Variants in CABCOCO1 observed in about 807,000 individuals in gnomAD.
CABCOCO1 encodes the protein ciliary associated calcium binding coiled-coil 1, also known as ciliary-associated calcium-binding coiled-coil protein 1.
Under a neutral mutation model 35.7 loss-of-function variants are expected in CABCOCO1, and 28 were observed. The observed-to-expected ratio is 0.78, with a 90% CI of 0.58 to 1.07. The LOEUF is 1.07. Ranked by LOEUF, CABCOCO1 falls within the 50% of genes least tolerant of loss-of-function variation. CABCOCO1 has a pLI of 0.00. For synonymous variants in CABCOCO1, 95 were observed against 100.1 expected (o/e 0.95, Z 0.30); for missense variants, 326 against 309.2 (o/e 1.05, Z -0.41).
chr10:61,763,097 TG>T (rs1842039647), intron 7 of CABCOCO1, among the ~76,000 whole-genome samples: 1 of 152,104 alleles, frequency 6.6e-6, no homozygotes, highest in Non-Finnish European at 1.5e-5. Flanking sequence ...GAATATTTAA[TG>T]AATCACTACT....
intron 5 of CABCOCO1, among the ~76,000 whole-genome samples, chr10:61,695,779 C>T (rs1840278341): frequency 6.6e-6 from 1 of 151,684 alleles, no homozygotes; most frequent in Non-Finnish European, 1.5e-5. Context: ...GAGAAAAAAA[C>T]CCTTTCTGTG....
intron 2 of CABCOCO1, among the ~76,000 whole-genome samples, chr10:61,679,281 T>TTTATATC (rs1839622960): frequency 1.4e-5 from 2 of 141,034 alleles, no homozygotes; most frequent in African/African-American, 5.3e-5. Context: ...TAGAATGAGC[T>TTTATATC]TATATCTATA....
intron 5 of CABCOCO1, among the ~76,000 whole-genome samples, chr10:61,719,198 C>G (rs1409749784): frequency 1.3e-5 from 2 of 152,048 alleles, no homozygotes; most frequent in East Asian, 3.9e-4. Context: ...TTTCTTGAGT[C>G]TTAGAAAAAC....
chr10:61,690,828 T>A (rs1015745348), intron 5 of CABCOCO1, among the ~76,000 whole-genome samples: 2 of 152,178 alleles, frequency 1.3e-5, no homozygotes, highest in Non-Finnish European at 2.9e-5. Context: ...AAAAGCATTG[T>A]TAATCATTTA....
Position 61,677,142 on chromosome 10 carries a change from C to T in CABCOCO1, c.165-4001C>T, listed in dbSNP as rs1050782031. Among the ~76,000 whole-genome samples, 9 of 151,978 alleles carry T rather than the reference C, an allele frequency of 5.9e-5. No homozygotes were observed. In the South Asian group the frequency reaches 1.7e-3, roughly 28 times the overall value. On this transcript the variant is annotated intron_variant, in intron 2 of 7. Coordinates refer to ENST00000648843, the MANE Select transcript of CABCOCO1 (RefSeq NM_001366906.2). ...TGTTAAGATTATGGACAAAATCCAA[C>T]GTAGATTGGAGTATAGAGAAGTGGA...
intron 5 of CABCOCO1, among the ~76,000 whole-genome samples, chr10:61,712,621 G>A (rs543295759): frequency 1.8e-4 from 27 of 152,136 alleles, no homozygotes; most frequent in African/African-American, 6.0e-4. Context: ...TTTGTTCTAG[G>A]GTTTTTATGG....
intron 5 of CABCOCO1, among the ~76,000 whole-genome samples, chr10:61,698,712 G>A (rs954157844): frequency 6.6e-6 from 1 of 152,064 alleles, no homozygotes; most frequent in African/African-American, 2.4e-5. Flanking sequence ...GGGTGTTAAT[G>A]ACACTATACT....
At chr10:61,680,460 C>T (rs1220813062) in intron 2 of CABCOCO1, among the ~76,000 whole-genome samples, 5 of 21,144 alleles carry the variant, frequency 2.4e-4, no homozygotes, top group East Asian at 7.9e-4. Context: ...TTATATATAA[C>T]ATATATAATA....
At chr10:61,723,347 AG>A (rs1322980968) in intron 5 of CABCOCO1, among the ~76,000 whole-genome samples, 1 of 152,262 alleles carries the variant, frequency 6.6e-6, no homozygotes, top group Non-Finnish European at 1.5e-5. Context: ...ACATTTTTAT[AG>A]TATACATTCC....
intron 5 of CABCOCO1, among the ~76,000 whole-genome samples, chr10:61,705,466 T>C (rs867683326): frequency 6.6e-6 from 1 of 152,226 alleles, no homozygotes; most frequent in South Asian, 2.1e-4. Flanking sequence ...TGTACACATA[T>C]TACTTTTATT....
chr10:61,714,751 G>T (rs140151858), intron 5 of CABCOCO1, among the ~76,000 whole-genome samples: 15,671 of 152,094 alleles, frequency 0.1, 952 homozygotes, highest in Middle Eastern at 0.17. Flanking sequence ...CTTTATTTCT[G>T]CCTTCATTTC....
intron 5 of CABCOCO1, among the ~76,000 whole-genome samples, chr10:61,738,794 A>G (rs1841481849): frequency 6.6e-6 from 1 of 152,260 alleles, no homozygotes. Context: ...TGAATTTCAA[A>G]TATATCAACT....
At chr10:61,701,419 T>C (rs1418955123) in intron 5 of CABCOCO1, among the ~76,000 whole-genome samples, 3 of 152,190 alleles carry the variant, frequency 2.0e-5, no homozygotes, top group Non-Finnish European at 4.4e-5. Flanking sequence ...GATTTAATTA[T>C]TACTTGAGGA....
intron 5 of CABCOCO1, among the ~76,000 whole-genome samples, chr10:61,747,793 T>C (rs746276729): frequency 1.3e-5 from 2 of 152,204 alleles, no homozygotes; most frequent in Non-Finnish European, 2.9e-5. Context: ...ACAGAGTTAA[T>C]TTATAAATAC....
At chr10:61,684,302 T>C (rs1429661454) in intron 3 of CABCOCO1, among the ~76,000 whole-genome samples, 1 of 152,226 alleles carries the variant, frequency 6.6e-6, no homozygotes, top group Non-Finnish European at 1.5e-5. Context: ...TTCTTTCTAA[T>C]TCCTATAAGT....
chr10:61,750,137 G>A (rs532013827), intron 5 of CABCOCO1, among the ~76,000 whole-genome samples: 3 of 152,226 alleles, frequency 2.0e-5, no homozygotes, highest in South Asian at 2.1e-4. Flanking sequence ...CCTAGAGTCA[G>A]GCAACTTATC....
At chr10:61,740,418 C>A (rs1446830204) in intron 5 of CABCOCO1, among the ~76,000 whole-genome samples, 9 of 152,176 alleles carry the variant, frequency 5.9e-5, no homozygotes. Context: ...ATGGAGCTAG[C>A]AGCAAGCCTA....
intron 5 of CABCOCO1, among the ~76,000 whole-genome samples, chr10:61,719,570 T>C (rs1840947924): frequency 2.0e-5 from 3 of 151,988 alleles, no homozygotes; most frequent in Non-Finnish European, 4.4e-5. Context: ...ATGAGCAAGA[T>C]GGGAAATGAC....
At chr10:61,725,221 A>C (rs534084943) in intron 5 of CABCOCO1, among the ~76,000 whole-genome samples, 3 of 152,306 alleles carry the variant, frequency 2.0e-5, no homozygotes, top group Non-Finnish European at 4.4e-5. Flanking sequence ...AGGATCTAGA[A>C]CCAGAAATAC....
Sources: allele counts gnomAD v4.1 joint callset (sites outside exome capture counted in the v4.1 genomes callset), GRCh38; gene constraint gnomAD v4.1.1; transcripts MANE v1.5; gene names NCBI Gene and HGNC (gene_info 2026-07-23, HGNC 2026-07-21).